ERBB4: variants seen among roughly 807,000 people sequenced by gnomAD.
The protein encoded by ERBB4 is receptor tyrosine-protein kinase erbB-4.
ERBB4 carries 42 observed loss-of-function variants against 158.0 expected under a neutral mutation model. That is an observed-to-expected ratio of 0.27 (90% confidence interval 0.21 to 0.34). The LOEUF (loss-of-function observed/expected upper bound fraction) is 0.34, where lower values mean the gene tolerates loss of function less well. Ranked by LOEUF, ERBB4 falls within the 10% of genes least tolerant of loss-of-function variation. The probability of loss-of-function intolerance (pLI) is 1.00; values close to 1 mark genes in which losing one functional copy is unlikely to be tolerated. For missense variants in ERBB4, 1,333 were observed against 1,624.1 expected (o/e 0.82, Z 3.08); for synonymous variants, 583 against 558.7 (o/e 1.04, Z -0.61).
intron 1 of ERBB4, among the ~76,000 whole-genome samples, chr2:212,231,059 G>A (rs2083648457): frequency 6.6e-6 from 1 of 152,170 alleles, no homozygotes; most frequent in South Asian, 2.1e-4. Context: ...TAGTTAGGGT[G>A]TAGATATGAA....
intron 2 of ERBB4, among the ~76,000 whole-genome samples, chr2:212,059,214 C>T (rs2077679474): frequency 6.6e-6 from 1 of 152,070 alleles, no homozygotes; most frequent in African/African-American, 2.4e-5. Context: ...GAATAAAACA[C>T]CTAGGAATCC....
chr2:211,746,738 G>A (rs1387888456), intron 5 of ERBB4, among the ~76,000 whole-genome samples: 2 of 150,956 alleles, frequency 1.3e-5, no homozygotes, highest in South Asian at 2.1e-4. Context: ...GCTGAGGCAG[G>A]AGAATTGCTT....
intron 1 of ERBB4, among the ~76,000 whole-genome samples, chr2:212,215,738 T>A (rs1022771669): frequency 6.6e-6 from 1 of 151,454 alleles, no homozygotes; most frequent in South Asian, 2.1e-4. Flanking sequence ...ATTAGCAATT[T>A]GATGCAAGTA....
At chr2:212,031,563 T>C (rs1221448941) in intron 2 of ERBB4, among the ~76,000 whole-genome samples, 1 of 152,158 alleles carries the variant, frequency 6.6e-6, no homozygotes, top group Non-Finnish European at 1.5e-5. Flanking sequence ...TTGTAAACAA[T>C]CACACTACGT....
chr2:211,666,544 T>A (rs918207971), intron 14 of ERBB4, among the ~76,000 whole-genome samples: 5 of 152,182 alleles, frequency 3.3e-5, no homozygotes, highest in African/African-American at 1.2e-4. Context: ...GTATAATGGA[T>A]GGAAAGCATA....
At chr2:211,396,313 G>A (rs935847555) in intron 25 of ERBB4, among the ~76,000 whole-genome samples, 6 of 152,126 alleles carry the variant, frequency 3.9e-5, no homozygotes, top group African/African-American at 1.4e-4. Flanking sequence ...TTGTGGGGCA[G>A]CTTTTGTTTT....
rs141770979 is a variant in ERBB4, at chr2:211,401,912, T to C, written c.3136-13920A>G. Among the ~76,000 whole-genome samples the C allele has an allele frequency of 4.6e-5, 7 of 151,828 alleles. No individual in the cohort carries two copies. The East Asian group carries it at 1.4e-3, about 29-fold the overall frequency. On this transcript the variant is annotated intron_variant, in intron 25 of 27. Coordinates refer to ENST00000342788, the MANE Select transcript of ERBB4 (RefSeq NM_005235.3). ...TAAGAAAAACCTCTTTTATATTTTC[T>C]GGGCCACTATGTCACAATTATAATA...
intron 2 of ERBB4, among the ~76,000 whole-genome samples, chr2:212,023,929 T>A: frequency 6.6e-6 from 1 of 152,002 alleles, no homozygotes; most frequent in East Asian, 1.9e-4. Context: ...ATTGGCTTTT[T>A]TTTTTTAGGA....
intron 3 of ERBB4, among the ~76,000 whole-genome samples, chr2:211,893,436 A>G (rs1408077986): frequency 1.4e-5 from 2 of 141,092 alleles, no homozygotes; most frequent in African/African-American, 5.7e-5. Context: ...TTTAAACGTT[A>G]GACCTAAAAC....
At chr2:211,652,482 G>T (rs2071029770) in intron 16 of ERBB4, among the ~76,000 whole-genome samples, 1 of 151,962 alleles carries the variant, frequency 6.6e-6, no homozygotes, top group South Asian at 2.1e-4. Context: ...TAAGTTCCTT[G>T]GGGGCAAAAC....
chr2:212,092,896 C>T (rs928934195), intron 2 of ERBB4, among the ~76,000 whole-genome samples: 1 of 152,012 alleles, frequency 6.6e-6, no homozygotes, highest in Non-Finnish European at 1.5e-5. Flanking sequence ...CAACGTGGCA[C>T]GTGTATACCA....
intron 1 of ERBB4, among the ~76,000 whole-genome samples, chr2:212,387,791 T>C (rs919317733): frequency 3.9e-5 from 6 of 152,126 alleles, no homozygotes; most frequent in Non-Finnish European, 1.5e-5. Flanking sequence ...AATTAAGTGT[T>C]ATATCCCTTT....
intron 19 of ERBB4, among the ~76,000 whole-genome samples, chr2:211,605,435 C>T (rs1039782089): frequency 3.9e-5 from 6 of 152,050 alleles, no homozygotes; most frequent in African/African-American, 7.2e-5. Flanking sequence ...AGTTCTCACC[C>T]ACTGTGCATC....
chr2:212,391,484 T>C (rs559262512), intron 1 of ERBB4, among the ~76,000 whole-genome samples: 2 of 150,716 alleles, frequency 1.3e-5, no homozygotes, highest in East Asian at 1.9e-4. Context: ...AGTTCCCAAA[T>C]TGAATTTTAA....
intron 1 of ERBB4, among the ~76,000 whole-genome samples, chr2:212,449,798 C>G (rs182217795): frequency 2.6e-5 from 4 of 152,010 alleles, no homozygotes; most frequent in African/African-American, 9.6e-5. Context: ...GATAAACACC[C>G]CCTACTATCA....
chr2:212,283,068 C>A (rs1559919788), intron 1 of ERBB4, among the ~76,000 whole-genome samples: 2 of 151,790 alleles, frequency 1.3e-5, no homozygotes, highest in Admixed American at 6.6e-5. Flanking sequence ...TCTTACTGAT[C>A]ATTTCATTAA....
At chr2:212,194,154 T>C (rs2105886096) in intron 1 of ERBB4, among the ~76,000 whole-genome samples, 1 of 152,092 alleles carries the variant, frequency 6.6e-6, no homozygotes, top group African/African-American at 2.4e-5. Context: ...GCTGAAAATA[T>C]TGAAGATTTA....
At chr2:211,592,676 AAGT>A (rs1288705188) in intron 19 of ERBB4, among the ~76,000 whole-genome samples, 1 of 152,152 alleles carries the variant, frequency 6.6e-6, no homozygotes, top group Non-Finnish European at 1.5e-5. Context: ...AGAGGTCTTT[AAGT>A]AGTACAAGGG....
intron 12 of ERBB4, among the ~76,000 whole-genome samples, chr2:211,695,990 T>TCCTTC (rs370798883): frequency 6.6e-6 from 1 of 150,874 alleles, no homozygotes; most frequent in Admixed American, 6.6e-5. Flanking sequence ...CCTTCCTCCC[T>TCCTTC]CCTTCCCTTC....
Sources: gnomAD v4.1 joint callset for allele counts (sites outside exome capture counted in the v4.1 genomes callset) on GRCh38, gnomAD v4.1.1 for gene constraint, MANE v1.5 for transcripts, NCBI Gene and HGNC (gene_info 2026-07-23, HGNC 2026-07-21) for gene names.